Variants in KCND2 observed in about 807,000 individuals in gnomAD.
The protein encoded by KCND2 is potassium voltage-gated channel subfamily D member 2.
KCND2 carries 16 observed loss-of-function variants against 54.4 expected under a neutral mutation model. The ratio of observed to expected loss-of-function variants is 0.29; its 90% CI spans 0.20 to 0.45. The LOEUF (loss-of-function observed/expected upper bound fraction) is 0.45. Among genes scored for constraint, KCND2 ranks in the 20% least tolerant of loss-of-function variants. The probability of loss-of-function intolerance (pLI) is 1.00; values close to 1 mark genes in which losing one functional copy is unlikely to be tolerated. For synonymous variants in KCND2, 317 were observed against 310.7 expected (o/e 1.02, Z -0.21); for missense variants, 486 against 824.2 (o/e 0.59, Z 5.02).
intron 1 of KCND2, among the ~76,000 whole-genome samples, chr7:120,616,562 AT>A (rs997436347): frequency 4.6e-5 from 7 of 152,258 alleles, no homozygotes; most frequent in African/African-American, 1.7e-4. Flanking sequence ...GACTAGTCAC[AT>A]TTTTTCCCAG....
intron 1 of KCND2, among the ~76,000 whole-genome samples, chr7:120,373,590 A>G (rs1249616210): frequency 2.6e-5 from 4 of 151,866 alleles, no homozygotes; most frequent in Non-Finnish European, 1.5e-5. Flanking sequence ...TCCAAGAGCT[A>G]TCTCCACACT....
chr7:120,540,617 C>T (rs10488302), intron 1 of KCND2, among the ~76,000 whole-genome samples: 1 of 152,188 alleles, frequency 6.6e-6, no homozygotes, highest in Admixed American at 6.5e-5. Flanking sequence ...GTGATGCTCA[C>T]ATTTCCCAAA....
intron 1 of KCND2, among the ~76,000 whole-genome samples, chr7:120,643,260 A>G (rs1049826014): frequency 6.6e-6 from 1 of 152,174 alleles, no homozygotes; most frequent in African/African-American, 2.4e-5. Flanking sequence ...ACATTAACAT[A>G]ATAAGAAAAA....
At chr7:120,506,570 CA>C (rs1381302182) in intron 1 of KCND2, among the ~76,000 whole-genome samples, 1 of 151,836 alleles carries the variant, frequency 6.6e-6, no homozygotes, top group Non-Finnish European at 1.5e-5. Flanking sequence ...ACCAAACTTA[CA>C]AAACATTTAT....
intron 1 of KCND2, among the ~76,000 whole-genome samples, chr7:120,697,197 A>G (rs1156379086): frequency 1.3e-5 from 2 of 152,208 alleles, no homozygotes; most frequent in East Asian, 1.9e-4. Context: ...TGTGATTGCT[A>G]TAGGGTAAAG....
chr7:120,616,053 A>C (rs1241250104), intron 1 of KCND2, among the ~76,000 whole-genome samples: 1 of 152,202 alleles, frequency 6.6e-6, no homozygotes, highest in Non-Finnish European at 1.5e-5. Context: ...AGTGTATAAC[A>C]CAGTGCAGGT....
intron 1 of KCND2, among the ~76,000 whole-genome samples, chr7:120,643,453 A>G (rs1334922103): frequency 1.3e-5 from 2 of 152,116 alleles, no homozygotes; most frequent in Non-Finnish European, 2.9e-5. Flanking sequence ...TGCCACAGGT[A>G]TGTGATTTGA....
At chr7:120,432,112 T>G (rs7776942) in intron 1 of KCND2, among the ~76,000 whole-genome samples, 49,016 of 152,048 alleles carry the variant, frequency 0.32, 10,921 homozygotes, top group African/African-American at 0.62. Context: ...AATATTTGAA[T>G]ATTGTCATTA....
At chr7:120,466,683 A>C (rs1427152218) in intron 1 of KCND2, among the ~76,000 whole-genome samples, 1 of 152,162 alleles carries the variant, frequency 6.6e-6, no homozygotes, top group East Asian at 1.9e-4. Flanking sequence ...AGGTATATGC[A>C]TTCATTTCCT....
At chr7:120,620,372 C>T (rs1322140216) in intron 1 of KCND2, among the ~76,000 whole-genome samples, 1 of 152,032 alleles carries the variant, frequency 6.6e-6, no homozygotes, top group Non-Finnish European at 1.5e-5. Flanking sequence ...TTATCTTGTT[C>T]ACTGCTATAT....
intron 1 of KCND2, among the ~76,000 whole-genome samples, chr7:120,491,469 T>A (rs79483449): frequency 0.011 from 1,666 of 152,268 alleles, 15 homozygotes; most frequent in Middle Eastern, 0.017. Context: ...GTAGTCATCA[T>A]GCATAATCGA....
At chr7:120,514,689 T>G (rs529721123) in intron 1 of KCND2, among the ~76,000 whole-genome samples, 5 of 152,140 alleles carry the variant, frequency 3.3e-5, no homozygotes, top group African/African-American at 1.2e-4. Flanking sequence ...TGGAAGACAA[T>G]TTTTCCATGG....
intron 1 of KCND2, among the ~76,000 whole-genome samples, chr7:120,460,634 C>T (rs776766512): frequency 3.5e-5 from 5 of 142,362 alleles, no homozygotes; most frequent in African/African-American, 8.0e-5. Context: ...CCATTTATTT[C>T]GAACCTGTTT....
chr7:120,728,106 C>T (rs1166043226), intron 1 of KCND2, among the ~76,000 whole-genome samples: 1 of 144,026 alleles, frequency 6.9e-6, no homozygotes, highest in African/African-American at 2.6e-5. Context: ...TGCACTCCAG[C>T]CTGGCAACAG....
chr7:120,380,902 T>C (rs1201554292), intron 1 of KCND2, among the ~76,000 whole-genome samples: 1 of 152,130 alleles, frequency 6.6e-6, no homozygotes, highest in Non-Finnish European at 1.5e-5. Context: ...GGTAACTTTT[T>C]AACAATAGTG....
intron 1 of KCND2, among the ~76,000 whole-genome samples, chr7:120,602,171 T>C (rs956827938): frequency 2.3e-4 from 35 of 152,182 alleles, no homozygotes; most frequent in African/African-American, 8.0e-4. Flanking sequence ...AAGGGAAAAT[T>C]TCAACATTCT....
At chr7:120,520,326 A>G (rs1258861929) in intron 1 of KCND2, among the ~76,000 whole-genome samples, 2 of 152,148 alleles carry the variant, frequency 1.3e-5, no homozygotes, top group Non-Finnish European at 2.9e-5. Context: ...AAATAAAAAA[A>G]GTTACACGTA....
chr7:120,619,868 C>T (rs1793075796), intron 1 of KCND2, among the ~76,000 whole-genome samples: 2 of 152,176 alleles, frequency 1.3e-5, no homozygotes, highest in South Asian at 2.1e-4. Flanking sequence ...AATTGAATAT[C>T]TAATTATAAA....
At chr7:120,539,490 C>T (rs10259436) in intron 1 of KCND2, among the ~76,000 whole-genome samples, 13,994 of 152,146 alleles carry the variant, frequency 0.092, 850 homozygotes, top group African/African-American at 0.19. Context: ...ATCAGAGCCA[C>T]GGAAGGAACA....
Sources: allele counts gnomAD v4.1 joint callset (sites outside exome capture counted in the v4.1 genomes callset), GRCh38; gene constraint gnomAD v4.1.1; transcripts MANE v1.5; gene names NCBI Gene and HGNC (gene_info 2026-07-23, HGNC 2026-07-21).